The following NCALD variants were observed in gnomAD, a reference collection of about 807,000 sequenced individuals.
NCALD encodes neurocalcin-delta.
In NCALD, 10 loss-of-function variants were observed where a neutral mutation model predicts 18.6. The ratio of observed to expected loss-of-function variants is 0.54; its 90% CI spans 0.33 to 0.91. NCALD has a LOEUF of 0.91. Ranked by LOEUF, NCALD falls within the 40% of genes least tolerant of loss-of-function variation. NCALD has a pLI of 0.03. For missense variants in NCALD, 184 were observed against 247.6 expected, an observed-to-expected ratio of 0.74 and a Z score of 1.72; for synonymous variants, 88 against 87.4, an observed-to-expected ratio of 1.01 and a Z score of -0.04.
At chr8:101,918,261 T>G (rs572225173) in intron 2 of NCALD, among the ~76,000 whole-genome samples, 7 of 152,058 alleles carry the variant, frequency 4.6e-5, no homozygotes, top group African/African-American at 1.4e-4. Flanking sequence ...ACACAAAAAG[T>G]TTTTGATAAA....
At chr8:102,011,401 C>T (rs776484358) in intron 2 of NCALD, among the ~76,000 whole-genome samples, 3 of 152,182 alleles carry the variant, frequency 2.0e-5, no homozygotes, top group Non-Finnish European at 2.9e-5. Flanking sequence ...AAGATCCCTT[C>T]GAGGAAGTCA....
intron 4 of NCALD, among the ~76,000 whole-genome samples, chr8:101,878,141 G>T (rs957692931): frequency 6.6e-6 from 1 of 152,146 alleles, no homozygotes; most frequent in East Asian, 1.9e-4. Flanking sequence ...TTTCTTGGCT[G>T]TTAACATTAA....
intron 2 of NCALD, among the ~76,000 whole-genome samples, chr8:102,012,973 A>G (rs1821957833): frequency 6.6e-6 from 1 of 152,188 alleles, no homozygotes. Flanking sequence ...ATATTTTTAT[A>G]TATACACACA....
chr8:102,018,149 C>G (rs1473869236), intron 2 of NCALD, among the ~76,000 whole-genome samples: 2 of 152,154 alleles, frequency 1.3e-5, no homozygotes, highest in Non-Finnish European at 2.9e-5. Context: ...TAAAATGGCA[C>G]AGTCATTTTG....
intron 1 of NCALD, among the ~76,000 whole-genome samples, chr8:101,733,548 C>T (rs558509470): frequency 1.4e-5 from 2 of 143,578 alleles, no homozygotes; most frequent in South Asian, 2.5e-4. Flanking sequence ...TCATGGCCGG[C>T]ATCTAGCAGG....
At chr8:101,980,879 C>A (rs1308272523) in intron 2 of NCALD, among the ~76,000 whole-genome samples, 2 of 152,180 alleles carry the variant, frequency 1.3e-5, no homozygotes, top group Non-Finnish European at 2.9e-5. Flanking sequence ...CTTCTGTCAT[C>A]CCTAAGGCCC....
intron 2 of NCALD, among the ~76,000 whole-genome samples, chr8:101,973,382 T>A (rs1298291881): frequency 6.6e-6 from 1 of 152,206 alleles, no homozygotes; most frequent in Non-Finnish European, 1.5e-5. Flanking sequence ...GCAAGCTGTC[T>A]GATGTTTTTC....
chr8:102,045,801 C>G (rs752693410), intron 1 of NCALD, among the ~76,000 whole-genome samples: 1 of 152,188 alleles, frequency 6.6e-6, no homozygotes, highest in South Asian at 2.1e-4. Flanking sequence ...AAATGTTGGT[C>G]ATGACCCACT....
At chr8:101,910,491 C>A (rs1817757265) in intron 3 of NCALD, among the ~76,000 whole-genome samples, 1 of 152,092 alleles carries the variant, frequency 6.6e-6, no homozygotes, top group South Asian at 2.1e-4. Context: ...TCTTCCCAGA[C>A]TGCCACAGCC....
chr8:101,895,350 G>C lies in NCALD; in HGVS notation c.-106-8123C>G, dbSNP rs1401947527. Among the ~76,000 whole-genome samples the C allele has an allele frequency of 5.0e-5, 7 of 139,970 alleles. No individual in the cohort carries two copies. The South Asian group carries it at 6.7e-4, about 13-fold the overall frequency. The allele number at this position is 139,970 out of a possible 152,430, so 91.8% of individuals were successfully genotyped here. On this transcript the variant is annotated intron_variant, in intron 3 of 6. Coordinates refer to the NCALD transcript ENST00000311028. ...AAAAACTCTCAATAAATTAGGTATT[G>C]ATGGGACATATTTCAAAATAATAAG...
chr8:101,810,496 C>T (rs1813266671), intron 4 of NCALD, among the ~76,000 whole-genome samples: 1 of 152,140 alleles, frequency 6.6e-6, no homozygotes, highest in African/African-American at 2.4e-5. Flanking sequence ...TCTGCTTCCA[C>T]TCAATTCCTT....
intron 1 of NCALD, among the ~76,000 whole-genome samples, chr8:101,745,122 A>T (rs1435536861): frequency 7.2e-5 from 11 of 152,046 alleles, no homozygotes; most frequent in Non-Finnish European, 1.6e-4. Flanking sequence ...ACTCTCAAAA[A>T]ACGTAGTAAT....
In NCALD at chr8:101,696,526, G is replaced by A. The variant is rs80225454; in HGVS notation, c.379-3630C>T. 8.5e-3 allele frequency among the ~76,000 whole-genome samples: 1,291 copies of A among 152,222 alleles called. 16 individuals are homozygous for A. Among genetic ancestry groups the A allele is most frequent in the African/African-American group, 0.029 (1,204 of 41,536 alleles). ...CCATGTGGAAGCCCAGAGTGGGAGC[G>A]TGGCAAGGAGGTCAACAGAGTGTGG... is the stretch of plus-strand genomic sequence containing the variant. On this transcript the variant is annotated intron_variant, in intron 2 of 3. Transcript: ENST00000220931.
chr8:102,057,933 T>C (rs1823710860), intron 1 of NCALD, among the ~76,000 whole-genome samples: 1 of 152,228 alleles, frequency 6.6e-6, no homozygotes, highest in Non-Finnish European at 1.5e-5. Context: ...GAAAAGGGTG[T>C]GTAGGTTACA....
chr8:102,009,368 G>C (rs1821825855), intron 2 of NCALD, among the ~76,000 whole-genome samples: 1 of 152,210 alleles, frequency 6.6e-6, no homozygotes, highest in Non-Finnish European at 1.5e-5. Flanking sequence ...TGTCAGAAGG[G>C]GAGAGGTTGC....
intron 1 of NCALD, among the ~76,000 whole-genome samples, chr8:102,051,499 T>G (rs1263623477): frequency 2.0e-5 from 3 of 152,222 alleles, no homozygotes; most frequent in African/African-American, 7.2e-5. Context: ...TTCTTAAAAT[T>G]TTTTACTCAT....
At chr8:101,990,061 C>T (rs1408803377) in intron 2 of NCALD, among the ~76,000 whole-genome samples, 2 of 152,116 alleles carry the variant, frequency 1.3e-5, no homozygotes, top group Admixed American at 6.5e-5. Flanking sequence ...TGGTAGAATT[C>T]GTCCTGGTTT....
chr8:101,905,928 T>C (rs115127374), intron 3 of NCALD, among the ~76,000 whole-genome samples: 86 of 152,352 alleles, frequency 5.6e-4, no homozygotes, highest in African/African-American at 2.0e-3. Context: ...CCATAAATGC[T>C]TGCTGAATTA....
chr8:101,941,304 A>G (rs985089907), intron 2 of NCALD, among the ~76,000 whole-genome samples: 6 of 152,190 alleles, frequency 3.9e-5, no homozygotes, highest in Non-Finnish European at 8.8e-5. Context: ...GGAGCATTCA[A>G]CCTAGATCCC....
Sources: gnomAD v4.1 joint callset for allele counts (sites outside exome capture counted in the v4.1 genomes callset) on GRCh38, gnomAD v4.1.1 for gene constraint, MANE v1.5 for transcripts, NCBI Gene and HGNC (gene_info 2026-07-23, HGNC 2026-07-21) for gene names.